GNA12: variants seen among roughly 807,000 people sequenced by gnomAD.
GNA12 encodes the protein guanine nucleotide-binding protein subunit alpha-12.
Under a neutral mutation model 26.0 loss-of-function variants are expected in GNA12, and 9 were observed. The observed-to-expected ratio is 0.35, with a 90% CI of 0.21 to 0.60. The LOEUF (loss-of-function observed/expected upper bound fraction) is 0.60, where lower values mean the gene tolerates loss of function less well. Ranked by LOEUF, GNA12 falls within the 20% of genes least tolerant of loss-of-function variation. GNA12 has a pLI of 0.78. For synonymous variants in GNA12, 264 were observed against 219.6 expected, an observed-to-expected ratio of 1.20 and a Z score of -1.79; for missense variants, 405 against 525.8, an observed-to-expected ratio of 0.77 and a Z score of 2.25.
At chr7:2,828,846 A>G (rs1727798836) in intron 1 of GNA12, among the ~76,000 whole-genome samples, 1 of 152,196 alleles carries the variant, frequency 6.6e-6, no homozygotes, top group Admixed American at 6.5e-5. Flanking sequence ...GCTTGAGCTC[A>G]GGAGTTTGAG....
At chr7:2,794,014 A>T (rs988443912) in intron 2 of GNA12, among the ~76,000 whole-genome samples, 1 of 152,224 alleles carries the variant, frequency 6.6e-6, no homozygotes, top group Non-Finnish European at 1.5e-5. Context: ...CAGCAGTGAA[A>T]AGGGAAGAAC....
At chr7:2,840,545 C>G (rs1252228292) in intron 1 of GNA12, among the ~76,000 whole-genome samples, 2 of 152,216 alleles carry the variant, frequency 1.3e-5, no homozygotes, top group African/African-American at 2.4e-5. Flanking sequence ...ACTAAAGGCA[C>G]TGCAGAGCAA....
At chr7:2,806,706 C>T (rs1320900558) in intron 1 of GNA12, among the ~76,000 whole-genome samples, 1 of 152,102 alleles carries the variant, frequency 6.6e-6, no homozygotes. Flanking sequence ...TAAACACTTT[C>T]CTATGTCATT....
At chr7:2,816,216 C>T (rs985473144) in intron 1 of GNA12, among the ~76,000 whole-genome samples, 3 of 151,018 alleles carry the variant, frequency 2.0e-5, no homozygotes, top group Non-Finnish European at 2.9e-5. Context: ...ATGGACAGCA[C>T]GCACATGTGC....
chr7:2,777,458 T>C (rs559144077), intron 2 of GNA12, among the ~76,000 whole-genome samples: 1 of 152,362 alleles, frequency 6.6e-6, no homozygotes, highest in African/African-American at 2.4e-5. Context: ...GGAATGGCTG[T>C]GCCTCCCCAA....
intron 2 of GNA12, among the ~76,000 whole-genome samples, chr7:2,739,680 CTTTT>C (rs981216668): frequency 6.6e-6 from 1 of 151,942 alleles, no homozygotes; most frequent in Non-Finnish European, 1.5e-5. Context: ...TATGGTAGTT[CTTTT>C]TTTATTTTAA....
intron 1 of GNA12, among the ~76,000 whole-genome samples, chr7:2,801,424 C>T (rs1403263980): frequency 6.6e-6 from 1 of 152,208 alleles, no homozygotes; most frequent in Non-Finnish European, 1.5e-5. Flanking sequence ...ACACACCAGG[C>T]CTTCCCCAAC....
chr7:2,777,465 C>T (rs1792105415), intron 2 of GNA12, among the ~76,000 whole-genome samples: 1 of 152,210 alleles, frequency 6.6e-6, no homozygotes, highest in African/African-American at 2.4e-5. Flanking sequence ...CTGTGCCTCC[C>T]CAAATTCCTA....
intron 2 of GNA12, among the ~76,000 whole-genome samples, chr7:2,777,472 C>A (rs1224085244): frequency 1.3e-5 from 2 of 152,200 alleles, no homozygotes; most frequent in Non-Finnish European, 2.9e-5. Context: ...TCCCCAAATT[C>A]CTATCCCTAA....
chr7:2,837,528 G>A (rs1778872672), intron 1 of GNA12, among the ~76,000 whole-genome samples: 1 of 152,188 alleles, frequency 6.6e-6, no homozygotes, highest in Admixed American at 6.5e-5. Context: ...TGAAGCCTGT[G>A]CCAAGACAAA....
intron 1 of GNA12, among the ~76,000 whole-genome samples, chr7:2,806,475 A>AAAAAAAAG (rs1554262008): frequency 6.6e-6 from 1 of 150,740 alleles, no homozygotes; most frequent in Non-Finnish European, 1.5e-5. Flanking sequence ...AAAAAAAAAA[A>AAAAAAAAG]AAAGAAAAAG....
chr7:2,796,328 T>A (rs1792672387), intron 1 of GNA12, among the ~76,000 whole-genome samples: 1 of 152,188 alleles, frequency 6.6e-6, no homozygotes, highest in Non-Finnish European at 1.5e-5. Context: ...AACAATATAC[T>A]GTCATGAAAG....
intron 2 of GNA12, among the ~76,000 whole-genome samples, chr7:2,751,756 T>A (rs562179375): frequency 2.0e-5 from 3 of 152,234 alleles, no homozygotes; most frequent in Non-Finnish European, 4.4e-5. Context: ...AGATTGGACA[T>A]CTTATACGAA....
intron 2 of GNA12, among the ~76,000 whole-genome samples, chr7:2,743,698 T>C (rs1790621519): frequency 6.6e-6 from 1 of 152,104 alleles, no homozygotes; most frequent in Non-Finnish European, 1.5e-5. Context: ...CGCAGCGCAC[T>C]GTGCGCGAGC....
At chr7:2,772,939 A>G (rs1267589127) in intron 2 of GNA12, among the ~76,000 whole-genome samples, 1 of 152,256 alleles carries the variant, frequency 6.6e-6, no homozygotes, top group Non-Finnish European at 1.5e-5. Flanking sequence ...CATTTAATGG[A>G]AGGCTATAAA....
At chr7:2,735,533 G>A (rs528764979) in intron 2 of GNA12, among the ~76,000 whole-genome samples, 52 of 152,324 alleles carry the variant, frequency 3.4e-4, no homozygotes, top group African/African-American at 1.2e-3. Flanking sequence ...AGCTCGATGG[G>A]AAGCAGAAAA....
chr7:2,758,204 G>C (rs1791391994), intron 2 of GNA12, among the ~76,000 whole-genome samples: 1 of 152,174 alleles, frequency 6.6e-6, no homozygotes, highest in South Asian at 2.1e-4. Flanking sequence ...TACAGTATTA[G>C]AAATGAAAAC....
intron 1 of GNA12, among the ~76,000 whole-genome samples, chr7:2,810,727 T>G (rs1793060215): frequency 6.6e-6 from 1 of 152,052 alleles, no homozygotes; most frequent in Non-Finnish European, 1.5e-5. Context: ...TATCTATCTC[T>G]GCTAAAAACA....
At position 2,807,417 on chromosome 7, in the gene GNA12, A is replaced by G. The variant is rs1032630735; in HGVS notation, c.310-12274T>C. The stretch of plus-strand genomic sequence containing the variant: ...ACTAGGCTCAGTCAACACTTCCAAT[A>G]AAACGTTTCATGAAGGTATAAAGAA... On this transcript the variant is annotated intron_variant, in intron 1 of 3. Coordinates refer to ENST00000275364, the MANE Select transcript of GNA12 (RefSeq NM_007353.3). Among the ~76,000 whole-genome samples, 9 of 152,304 alleles carry G rather than the reference A, an allele frequency of 5.9e-5. No homozygotes were observed. In the South Asian group the frequency reaches 8.3e-4, roughly 14 times the overall value.
Sources: gnomAD v4.1 joint callset for allele counts (sites outside exome capture counted in the v4.1 genomes callset) on GRCh38, gnomAD v4.1.1 for gene constraint, MANE v1.5 for transcripts, NCBI Gene and HGNC (gene_info 2026-07-23, HGNC 2026-07-21) for gene names.